The following IFT43 variants were observed in gnomAD, a reference collection of about 807,000 sequenced individuals.
The protein encoded by IFT43 is intraflagellar transport 43, also known as intraflagellar transport protein 43 homolog.
IFT43 carries 33 observed loss-of-function variants against 32.3 expected under a neutral mutation model. The observed-to-expected ratio is 1.02, with a 90% CI of 0.77 to 1.37. The LOEUF is 1.37. Among genes scored for constraint, IFT43 ranks in the 40% most tolerant of loss-of-function variants. IFT43 has a pLI of 0.00. For missense variants in IFT43, 274 were observed against 265.9 expected (o/e 1.03, Z -0.21); for synonymous variants, 93 against 98.2 (o/e 0.95, Z 0.31).
At chr14:76,000,297 C>T (rs1358681975) in intron 2 of IFT43, among the ~76,000 whole-genome samples, 1 of 130,176 alleles carries the variant, frequency 7.7e-6, no homozygotes, top group Non-Finnish European at 1.6e-5. Context: ...TATAGTCTTG[C>T]TCTGTTGCCC....
At chr14:75,986,305 C>A in intron 1 of IFT43, 1 of 1,245,812 alleles carries the variant, frequency 8.0e-7, no homozygotes, top group Non-Finnish European at 1.0e-6. Flanking sequence ...GGCCTTTCTT[C>A]CCGGTAATCC....
At chr14:76,013,428 A>G (rs1028119537) in intron 2 of IFT43, among the ~76,000 whole-genome samples, 2 of 152,202 alleles carry the variant, frequency 1.3e-5, no homozygotes, top group Admixed American at 6.5e-5. Flanking sequence ...CGGAAAGGGA[A>G]GGCCAACAGT....
chr14:76,058,737 T>G (rs2140051777), intron 4 of IFT43, 63 bp downstream of exon 4: 4 of 1,608,332 alleles, frequency 2.5e-6, no homozygotes, highest in Non-Finnish European at 3.4e-6. Context: ...CAGTGCAGTC[T>G]TGGTGGTCAT....
chr14:76,004,161 T>TGTGTCA (rs1461292198), intron 2 of IFT43, among the ~76,000 whole-genome samples: 1 of 152,244 alleles, frequency 6.6e-6, no homozygotes, highest in Non-Finnish European at 1.5e-5. Flanking sequence ...TAGATCTAAG[T>TGTGTCA]TTCCATCTGG....
Position 76,006,930 on chromosome 14 carries a change from C to G in IFT43, c.148-15397C>G, listed in dbSNP as rs115127106. Among the ~76,000 whole-genome samples, 3 of 150,326 alleles carry G rather than the reference C, an allele frequency of 2.0e-5. No homozygotes were observed. The East Asian group carries it at 5.8e-4, about 29-fold the overall frequency. Reference sequence around the variant, plus strand: ...TAGAGTGCAATGGTGGGATCATGGCCCACTGGAGCCTCTATCTCCTAGGTT... The same window carrying G: ...TAGAGTGCAATGGTGGGATCATGGCGCACTGGAGCCTCTATCTCCTAGGTT... On this transcript the variant is annotated intron_variant, in intron 2 of 8. Coordinates refer to ENST00000314067, the MANE Select transcript of IFT43 (RefSeq NM_001102564.3).
At chr14:76,003,631 C>CAA (rs549597225) in intron 2 of IFT43, among the ~76,000 whole-genome samples, 1,648 of 141,884 alleles carry the variant, frequency 0.012, 36 homozygotes, top group African/African-American at 0.04. Flanking sequence ...GACTCCGTTT[C>CAA]AAAAAAAAAA....
chr14:75,995,986 C>A (rs574620684), intron 2 of IFT43, among the ~76,000 whole-genome samples: 2 of 152,174 alleles, frequency 1.3e-5, no homozygotes, highest in Non-Finnish European at 2.9e-5. Context: ...AGGGTAGAGC[C>A]TGCAATTGGA....
intron 3 of IFT43, among the ~76,000 whole-genome samples, chr14:76,036,725 T>C (rs1458287960): frequency 1.3e-5 from 2 of 150,570 alleles, no homozygotes; most frequent in African/African-American, 4.9e-5. Context: ...ATTTCTATAG[T>C]CTCTATTTTA....
intron 8 of IFT43, 75 bp from the exon 9 acceptor site, chr14:76,083,383 A>C: frequency 1.2e-6 from 2 of 1,613,238 alleles, no homozygotes; most frequent in Non-Finnish European, 1.7e-6. Context: ...TGAGGCCTGG[A>C]TGGGAGGGAG....
chr14:76,030,738 C>T (rs1282597267), intron 3 of IFT43, among the ~76,000 whole-genome samples: 2 of 152,106 alleles, frequency 1.3e-5, no homozygotes, highest in Non-Finnish European at 2.9e-5. Context: ...ATTTCTCATA[C>T]AGGTTAAGAT....
intron 5 of IFT43, among the ~76,000 whole-genome samples, chr14:76,071,751 T>C (rs1166559440): frequency 2.0e-5 from 3 of 152,236 alleles, no homozygotes; most frequent in African/African-American, 7.2e-5. Flanking sequence ...ATTATAAGAA[T>C]GTATAATTTC....
At chr14:76,062,744 C>A (rs992711599) in intron 5 of IFT43, among the ~76,000 whole-genome samples, 1 of 151,586 alleles carries the variant, frequency 6.6e-6, no homozygotes, top group African/African-American at 2.4e-5. Context: ...GGCGAAACCG[C>A]ATCTCTTATA....
In IFT43 at chr14:76,077,578, C is replaced by T. The variant is rs60196877; in HGVS notation, c.296-4717C>T. ...GGGGCAAATTTCATGGATTCTACCT[C>T]CTACAAGGTAGTGAGGGCTACCCTG... On this transcript the variant is annotated intron_variant, in intron 5 of 8. Coordinates refer to ENST00000314067, the MANE Select transcript of IFT43 (RefSeq NM_001102564.3). Among the ~76,000 whole-genome samples the T allele has an allele frequency of 7.8e-3, 1,194 of 152,206 alleles. 14 individuals carry two copies. Among genetic ancestry groups the T allele is most frequent in the African/African-American group, 0.027 (1,129 of 41,528 alleles).
chr14:75,999,272 TGTA>T (rs1566699694), intron 2 of IFT43, among the ~76,000 whole-genome samples: 29 of 26,536 alleles, frequency 1.1e-3, no homozygotes, highest in South Asian at 3.2e-3. Context: ...TATATATATA[TGTA>T]TATATATTTT....
intron 2 of IFT43, among the ~76,000 whole-genome samples, chr14:76,004,568 C>T (rs1466956824): frequency 6.6e-6 from 1 of 152,170 alleles, no homozygotes; most frequent in Non-Finnish European, 1.5e-5. Context: ...TGATATTTGT[C>T]ACCCCAGATT....
intron 2 of IFT43, among the ~76,000 whole-genome samples, chr14:75,991,388 AGTGTGTGTGTGTGTGT>A (rs34624480): frequency 2.0e-4 from 29 of 141,988 alleles, no homozygotes; most frequent in South Asian, 2.3e-4. Flanking sequence ...TATTAACAAG[AGTGTGTGTGTGTGTGT>A]GTGTGTGTGT....
At chr14:76,082,217 G>A (rs2037522998) in intron 5 of IFT43, 78 bp from the exon 6 acceptor site, 2 of 1,304,998 alleles carry the variant, frequency 1.5e-6, no homozygotes, top group Admixed American at 1.7e-5. Context: ...GTGTTGAAGG[G>A]GAATGAGTAA....
At position 76,076,763 on chromosome 14, in the gene IFT43, T is replaced by G; in HGVS notation, c.296-5532T>G. 3 of 1,545,022 alleles carry G rather than the reference T, an allele frequency of 1.9e-6. No individual in the cohort carries two copies. In the South Asian group the frequency reaches 3.4e-5, roughly 18 times the overall value. On this transcript the variant is annotated intron_variant, in intron 5 of 8. Transcript: ENST00000314067. Reference sequence around the variant, plus strand: ...GGGACTTTGCTAGGTAATTAGCATTTTAGTGTGCGCATGTGATGATATTAT... The same window carrying G: ...GGGACTTTGCTAGGTAATTAGCATTGTAGTGTGCGCATGTGATGATATTAT...
intron 2 of IFT43, among the ~76,000 whole-genome samples, chr14:76,018,237 G>A (rs895259499): frequency 6.6e-6 from 1 of 151,008 alleles, no homozygotes; most frequent in Non-Finnish European, 1.5e-5. Flanking sequence ...ATAGGTTTTT[G>A]TATGTTGTGT....
Sources: allele counts gnomAD v4.1 joint callset (sites outside exome capture counted in the v4.1 genomes callset), GRCh38; gene constraint gnomAD v4.1.1; transcripts MANE v1.5; gene names NCBI Gene and HGNC (gene_info 2026-07-23, HGNC 2026-07-21).